The following ROBO1 variants were observed in gnomAD, a reference collection of about 807,000 sequenced individuals.
The protein encoded by ROBO1 is roundabout guidance receptor 1, also known as roundabout homolog 1.
Under a neutral mutation model 195.9 loss-of-function variants are expected in ROBO1, and 149 were observed. That is an observed-to-expected ratio of 0.76 (90% CI 0.67 to 0.87). ROBO1 has a LOEUF of 0.87. Ranked by LOEUF, ROBO1 falls within the 40% of genes least tolerant of loss-of-function variation. ROBO1 has a pLI of 0.00. For synonymous variants in ROBO1, 816 were observed against 733.2 expected, an observed-to-expected ratio of 1.11 and a Z score of -1.82; for missense variants, 1,933 against 2,068.3, an observed-to-expected ratio of 0.93 and a Z score of 1.27.
At chr3:79,601,263 A>G (rs1181121022) in intron 1 of ROBO1, among the ~76,000 whole-genome samples, 1 of 152,024 alleles carries the variant, frequency 6.6e-6, no homozygotes, top group Admixed American at 6.6e-5. Context: ...AAAACAATAG[A>G]TGGTTTCATT....
At chr3:79,238,027 T>C (rs1448218459) in intron 2 of ROBO1, among the ~76,000 whole-genome samples, 1 of 152,222 alleles carries the variant, frequency 6.6e-6, no homozygotes, top group Non-Finnish European at 1.5e-5. Flanking sequence ...CACAACAGGC[T>C]GTCTGCTTTC....
intron 3 of ROBO1, among the ~76,000 whole-genome samples, chr3:79,114,748 T>C (rs1480517154): frequency 2.0e-5 from 3 of 152,194 alleles, no homozygotes; most frequent in African/African-American, 7.2e-5. Context: ...TTTCATTATA[T>C]ACATTGTGTA....
chr3:79,448,834 TG>T (rs1223745958), intron 2 of ROBO1, among the ~76,000 whole-genome samples: 14 of 152,132 alleles, frequency 9.2e-5, no homozygotes, highest in African/African-American at 2.9e-4. Flanking sequence ...TCTGCTTGAG[TG>T]AATTACCCAT....
chr3:79,457,141 C>T (rs146130822), intron 2 of ROBO1, among the ~76,000 whole-genome samples: 14 of 152,142 alleles, frequency 9.2e-5, no homozygotes, highest in Admixed American at 3.3e-4. Flanking sequence ...GTTGATTTTA[C>T]TGATGACATT....
chr3:78,606,879 T>C lies in ROBO1; in HGVS notation c.4598A>G (p.Glu1533Gly). 1 of 1,613,870 alleles carries C rather than the reference T, an allele frequency of 6.2e-7. No individual in the cohort carries two copies. The highest frequency in any genetic ancestry group is 1.6e-4 in the Middle Eastern group (1 of 6,062). ...AACAACCTGTCTTCCATCCAACACTTCTCTCCCCTTGTAACTGCTTCCTTT... is the reference window on the plus strand; with the variant it reads ...AACAACCTGTCTTCCATCCAACACTCCTCTCCCCTTGTAACTGCTTCCTTT... ...DRKGSSYKGREVLDGRQVVDM... is the reference protein window; with the variant it reads ...DRKGSSYKGRGVLDGRQVVDM... The change falls in exon 29 of 31, where the codon GAA becomes GGA. Residue 1533 changes from glutamate (E) to glycine (G), a missense_variant. Glu to Gly is a moderately conservative substitution (Grantham distance 98). This residue lies in a region of ROBO1 where 1,737 missense variants were observed against 1,882.5 expected (regional missense o/e 0.92). Transcript: ENST00000464233.
At chr3:79,559,804 C>G (rs1393510928) in intron 2 of ROBO1, among the ~76,000 whole-genome samples, 2 of 152,068 alleles carry the variant, frequency 1.3e-5, no homozygotes, top group Non-Finnish European at 2.9e-5. Context: ...GTTATCCCAG[C>G]TACTTAGGAG....
At chr3:79,497,253 T>C (rs1266504442) in intron 2 of ROBO1, among the ~76,000 whole-genome samples, 1 of 152,236 alleles carries the variant, frequency 6.6e-6, no homozygotes, top group Non-Finnish European at 1.5e-5. Context: ...TCTGAGAATG[T>C]GTAATGAACA....
chr3:79,053,463 C>T (rs905366735), intron 3 of ROBO1, among the ~76,000 whole-genome samples: 1 of 152,034 alleles, frequency 6.6e-6, no homozygotes, highest in Non-Finnish European at 1.5e-5. Flanking sequence ...TCTCTTTAAA[C>T]CTCCGGAGTC....
At position 79,381,368 on chromosome 3, in the gene ROBO1, AAAAAAAAAAGAAAAG is replaced by A. The variant is rs1318536911; in HGVS notation, c.88+208441_88+208455del. 1.4e-3 allele frequency among the ~76,000 whole-genome samples: 154 copies of A among 112,252 alleles called. 1 individual carries two copies. Among genetic ancestry groups the A allele is most frequent in the African/African-American group, 4.3e-3 (118 of 27,182 alleles). 73.6% of individuals were successfully genotyped at this position (112,252 alleles called of 152,430 possible). A position where few individuals can be genotyped will look rare whatever the true frequency, so the allele number is the denominator to read the frequency against. The stretch of plus-strand genomic sequence containing the variant: ...GAAACTCCGTCTCAAAAAAAAAAAA[AAAAAAAAAAGAAAAG>A]AAAAGAAAAGAAAAGAAAAGAAATG... On this transcript the variant is annotated intron_variant, in intron 2 of 30. Transcript: ENST00000464233.
intron 2 of ROBO1, among the ~76,000 whole-genome samples, chr3:79,398,993 A>G (rs1464779876): frequency 6.6e-6 from 1 of 151,876 alleles, no homozygotes; most frequent in Non-Finnish European, 1.5e-5. Context: ...TGCCTGTCTT[A>G]AGGGGACTAG....
intron 1 of ROBO1, among the ~76,000 whole-genome samples, chr3:79,744,344 T>C (rs529751394): frequency 1.3e-5 from 2 of 152,200 alleles, no homozygotes; most frequent in South Asian, 4.1e-4. Context: ...AGGTACTGGG[T>C]GTGAAAAAAT....
At chr3:78,769,613 CTTT>C (rs2083315680) in intron 4 of ROBO1, among the ~76,000 whole-genome samples, 1 of 64,330 alleles carries the variant, frequency 1.6e-5, no homozygotes, top group East Asian at 6.6e-4. Flanking sequence ...TGCCAGTGTA[CTTT>C]GGTTTTTTTT....
chr3:78,906,258 C>T (rs1484125431), intron 4 of ROBO1, among the ~76,000 whole-genome samples: 1 of 152,076 alleles, frequency 6.6e-6, no homozygotes, highest in Non-Finnish European at 1.5e-5. Context: ...CTTTAAAAAG[C>T]ATATGTCACA....
chr3:78,863,122 T>C (rs2034952244), intron 4 of ROBO1, among the ~76,000 whole-genome samples: 1 of 152,214 alleles, frequency 6.6e-6, no homozygotes, highest in Non-Finnish European at 1.5e-5. Flanking sequence ...ATGTTCTGTA[T>C]GGCATATCTC....
intron 2 of ROBO1, among the ~76,000 whole-genome samples, chr3:79,361,500 AAAATAACGATTTAATACCATT>A (rs563324127): frequency 0.012 from 1,799 of 152,210 alleles, 28 homozygotes; most frequent in African/African-American, 0.041. Flanking sequence ...TAATACCAGC[AAAATAACGATTTAATACCATT>A]AAATAACGAT....
chr3:79,558,484 G>A (rs1309927565), intron 2 of ROBO1, among the ~76,000 whole-genome samples: 2 of 152,080 alleles, frequency 1.3e-5, no homozygotes, highest in African/African-American at 4.8e-5. Context: ...AAGGCTTCTG[G>A]TCAACTGTTG....
At chr3:79,514,404 A>G (rs1940854412) in intron 2 of ROBO1, among the ~76,000 whole-genome samples, 1 of 152,190 alleles carries the variant, frequency 6.6e-6, no homozygotes, top group African/African-American at 2.4e-5. Flanking sequence ...GATAAGGCAC[A>G]ATGTGATAGC....
At chr3:78,826,141 G>A (rs2031576360) in intron 4 of ROBO1, among the ~76,000 whole-genome samples, 1 of 152,066 alleles carries the variant, frequency 6.6e-6, no homozygotes, top group Non-Finnish European at 1.5e-5. Context: ...TTTTCCAGAA[G>A]CACATCATCT....
chr3:79,486,394 G>C (rs1166894495), intron 2 of ROBO1, among the ~76,000 whole-genome samples: 2 of 151,998 alleles, frequency 1.3e-5, no homozygotes, highest in African/African-American at 2.4e-5. Flanking sequence ...GGCCACCCCA[G>C]AGAGTGTTAA....
Sources: allele counts gnomAD v4.1 joint callset (sites outside exome capture counted in the v4.1 genomes callset), GRCh38; gene constraint gnomAD v4.1.1; regional missense constraint gnomAD v4.1.1; transcripts MANE v1.5; gene names NCBI Gene and HGNC (gene_info 2026-07-23, HGNC 2026-07-21).